The following ELF1 variants were observed in gnomAD, a reference collection of about 807,000 sequenced individuals.
The protein encoded by ELF1 is ETS-related transcription factor Elf-1.
ELF1 carries 24 observed loss-of-function variants against 59.9 expected under a neutral mutation model. That is an observed-to-expected ratio of 0.40 (90% CI 0.29 to 0.56). The LOEUF is 0.56. Among genes scored for constraint, ELF1 ranks in the 20% least tolerant of loss-of-function variants. The pLI, the probability that ELF1 is intolerant of heterozygous loss-of-function variation, is 0.44. For synonymous variants in ELF1, 248 were observed against 266.2 expected, an observed-to-expected ratio of 0.93 and a Z score of 0.67; for missense variants, 627 against 742.2, an observed-to-expected ratio of 0.84 and a Z score of 1.80.
At chr13:41,047,992 C>T (rs1429989910) in intron 1 of ELF1, among the ~76,000 whole-genome samples, 1 of 152,264 alleles carries the variant, frequency 6.6e-6, no homozygotes, top group African/African-American at 2.4e-5. Flanking sequence ...GCCCCTTCCC[C>T]AGCCTCACTG....
At chr13:40,996,079 A>G (rs1874112405) in intron 1 of ELF1, among the ~76,000 whole-genome samples, 1 of 152,208 alleles carries the variant, frequency 6.6e-6, no homozygotes, top group Non-Finnish European at 1.5e-5. Context: ...GCCCCACACC[A>G]TATGTCACTG....
At chr13:41,043,115 T>C (rs1257786626) in intron 1 of ELF1, among the ~76,000 whole-genome samples, 3 of 152,364 alleles carry the variant, frequency 2.0e-5, no homozygotes, top group East Asian at 3.9e-4. Context: ...TTGAGAAGTG[T>C]CTGCTCATAT....
intron 1 of ELF1, among the ~76,000 whole-genome samples, chr13:41,057,690 A>C (rs1334319717): frequency 6.6e-6 from 1 of 152,224 alleles, no homozygotes; most frequent in East Asian, 1.9e-4. Context: ...GTATCTTCTA[A>C]TTACACCTAA....
intron 8 of ELF1, 58 bp downstream of exon 8, chr13:40,940,863 A>T: frequency 1.3e-6 from 2 of 1,491,446 alleles, no homozygotes; most frequent in Non-Finnish European, 1.8e-6. Flanking sequence ...CTTAACAAAT[A>T]ATGTCTCTGG....
intron 1 of ELF1, among the ~76,000 whole-genome samples, chr13:41,015,910 T>C (rs1235888008): frequency 6.7e-6 from 1 of 150,194 alleles, no homozygotes; most frequent in Non-Finnish European, 1.5e-5. Context: ...TTGTCAAAGG[T>C]TGAAAAAGAC....
intron 1 of ELF1, among the ~76,000 whole-genome samples, chr13:40,990,642 C>A (rs1368382592): frequency 6.6e-6 from 1 of 151,888 alleles, no homozygotes; most frequent in Non-Finnish European, 1.5e-5. Context: ...AATGCCTGAG[C>A]TCAGGAGTTC....
chr13:41,019,309 T>A lies in ELF1; in HGVS notation c.-310A>T, dbSNP rs1875594959. 3 of 985,436 alleles carry A rather than the reference T, an allele frequency of 3.0e-6. No individual in the cohort carries two copies. The African/African-American group carries it at 5.2e-5, about 17-fold the overall frequency. 61.0% of individuals were successfully genotyped at this position (985,436 alleles called of 1,614,324 possible). A position where few individuals can be genotyped will look rare whatever the true frequency, so the allele number is the denominator to read the frequency against. ...AAGTTTTAGCTGTTAAAATGGCTCC[T>A]GTAGATTGGGGAAGTGGTGTCTGTG... is the stretch of plus-strand genomic sequence containing the variant. On this transcript the variant is annotated 5_prime_UTR_variant, in exon 1 of 9. Coordinates refer to ENST00000239882, the MANE Select transcript of ELF1 (RefSeq NM_172373.4).
intron 1 of ELF1, among the ~76,000 whole-genome samples, chr13:41,060,208 G>C (rs949359514): frequency 6.6e-6 from 1 of 152,182 alleles, no homozygotes; most frequent in Non-Finnish European, 1.5e-5. Flanking sequence ...CCGGGAGGGC[G>C]CGGAAGGCAC....
intron 1 of ELF1, among the ~76,000 whole-genome samples, chr13:41,006,118 G>C (rs1874741571): frequency 6.6e-6 from 1 of 152,206 alleles, no homozygotes; most frequent in Non-Finnish European, 1.5e-5. Flanking sequence ...AAGCATGGTA[G>C]TAGGCTCCTG....
intron 1 of ELF1, among the ~76,000 whole-genome samples, chr13:41,045,625 T>C (rs1257173089): frequency 6.6e-6 from 1 of 152,262 alleles, no homozygotes; most frequent in Non-Finnish European, 1.5e-5. Flanking sequence ...GTTCTATTGA[T>C]TGCACTGTGG....
chr13:40,999,893 C>T (rs574294480), intron 1 of ELF1, among the ~76,000 whole-genome samples: 12 of 152,244 alleles, frequency 7.9e-5, no homozygotes, highest in East Asian at 3.9e-4. Context: ...ATAAGATTTT[C>T]GAAAACGTAT....
At chr13:41,057,151 CTTTT>C (rs11358975) in intron 1 of ELF1, among the ~76,000 whole-genome samples, 2 of 131,616 alleles carry the variant, frequency 1.5e-5, no homozygotes, top group Non-Finnish European at 3.2e-5. Context: ...ACTTTCACGT[CTTTT>C]TTTTTTTTTT....
At chr13:41,011,506 C>A (rs189462501) in intron 1 of ELF1, among the ~76,000 whole-genome samples, 7 of 151,968 alleles carry the variant, frequency 4.6e-5, no homozygotes, top group African/African-American at 1.7e-4. Context: ...TATAGTGGCA[C>A]GAACATGCCT....
At chr13:40,980,917 T>C (rs994562877) in intron 2 of ELF1, among the ~76,000 whole-genome samples, 47 of 152,168 alleles carry the variant, frequency 3.1e-4, no homozygotes, top group Non-Finnish European at 5.4e-4. Context: ...TCAAAGCTCA[T>C]CCTGCTGTTA....
intron 8 of ELF1, among the ~76,000 whole-genome samples, chr13:40,935,838 A>G (rs867658972): frequency 3.5e-4 from 53 of 152,042 alleles, no homozygotes; most frequent in African/African-American, 1.3e-3. Context: ...ATGCCCAGCT[A>G]ATTTTTTTGT....
intron 1 of ELF1, among the ~76,000 whole-genome samples, chr13:41,059,743 T>C (rs1232941747): frequency 6.6e-6 from 1 of 152,240 alleles, no homozygotes. Context: ...TTCTTTGTAA[T>C]AAACACAGGG....
At chr13:40,996,851 C>T (rs1874152800) in intron 1 of ELF1, among the ~76,000 whole-genome samples, 1 of 151,912 alleles carries the variant, frequency 6.6e-6, no homozygotes, top group Non-Finnish European at 1.5e-5. Flanking sequence ...AACAACAATC[C>T]AGCAGTTCTG....
At chr13:41,055,133 C>A (rs141992977) in intron 1 of ELF1, among the ~76,000 whole-genome samples, 1 of 152,096 alleles carries the variant, frequency 6.6e-6, no homozygotes, top group Non-Finnish European at 1.5e-5. Context: ...GGTCTGTGAG[C>A]GGGAGGAGGA....
chr13:40,964,755 GA>G (rs1386302824), intron 2 of ELF1, among the ~76,000 whole-genome samples: 1 of 151,986 alleles, frequency 6.6e-6, no homozygotes, highest in Non-Finnish European at 1.5e-5. Context: ...GGCTGGTCTC[GA>G]ACTCCTGAGC....
Sources: allele counts gnomAD v4.1 joint callset (sites outside exome capture counted in the v4.1 genomes callset), GRCh38; gene constraint gnomAD v4.1.1; transcripts MANE v1.5; gene names NCBI Gene and HGNC (gene_info 2026-07-23, HGNC 2026-07-21).